The following COG5 variants were observed in gnomAD, a reference collection of about 807,000 sequenced individuals.
COG5 encodes the protein conserved oligomeric Golgi complex subunit 5.
A neutral mutation model predicts 110.4 loss-of-function variants in COG5; 86 were observed. The observed-to-expected ratio is 0.78, with a 90% CI of 0.65 to 0.93. COG5 has a LOEUF of 0.93. Among genes scored for constraint, COG5 ranks in the 40% least tolerant of loss-of-function variants. COG5 has a pLI of 0.00. For missense variants in COG5, 1,077 were observed against 987.0 expected (o/e 1.09, Z -1.22); for synonymous variants, 360 against 334.6 (o/e 1.08, Z -0.83).
chr7:107,378,308 A>G (rs1231270773), intron 7 of COG5, among the ~76,000 whole-genome samples: 1 of 152,198 alleles, frequency 6.6e-6, no homozygotes, highest in African/African-American at 2.4e-5. Context: ...AACCACAAAG[A>G]TGAGGAAAAA....
chr7:107,507,997 C>T (rs995861535), intron 6 of COG5, among the ~76,000 whole-genome samples: 2 of 152,176 alleles, frequency 1.3e-5, no homozygotes, highest in Non-Finnish European at 2.9e-5. Flanking sequence ...TGAGGTATCG[C>T]GTTCATCTCA....
rs1366898060 is a variant in COG5 at position 107,295,066 on chromosome 7, C to CACATATAT, written c.1313+3075_1313+3076insATATATGT. Among the ~76,000 whole-genome samples, 14 of 45,838 alleles carry CACATATAT rather than the reference C, an allele frequency of 3.1e-4. No individual in the cohort carries two copies. The East Asian group carries it at 4.2e-3, about 14-fold the overall frequency. The allele number at this position is 45,838 out of a possible 152,430, so 30.1% of individuals were successfully genotyped here. On this transcript the variant is annotated intron_variant, in intron 12 of 21. Coordinates refer to ENST00000297135, the MANE Select transcript of COG5 (RefSeq NM_006348.5). Reference sequence around the variant, plus strand: ...ACACACACACACACACACACACACACATATATATATATATATATATATATA... The same window carrying CACATATAT: ...ACACACACACACACACACACACACACACATATATATATATATATATATATATATATATA...
chr7:107,283,061 A>C (rs1171115323), intron 13 of COG5, among the ~76,000 whole-genome samples: 1 of 152,200 alleles, frequency 6.6e-6, no homozygotes, highest in East Asian at 1.9e-4. Flanking sequence ...GTCTGCAGGC[A>C]TTCAGGTGGC....
At chr7:107,403,207 CA>C (rs746657343) in intron 7 of COG5, among the ~76,000 whole-genome samples, 7 of 152,188 alleles carry the variant, frequency 4.6e-5, no homozygotes, top group South Asian at 2.1e-4. Flanking sequence ...CTTCAGATAA[CA>C]AAGGAATAGC....
chr7:107,272,516 A>G (rs1007448263), intron 14 of COG5, among the ~76,000 whole-genome samples: 6 of 152,138 alleles, frequency 3.9e-5, no homozygotes, highest in Admixed American at 2.0e-4. Context: ...GGCAAAATAA[A>G]CTTTCTAAAT....
intron 11 of COG5, among the ~76,000 whole-genome samples, chr7:107,307,940 G>C (rs1384183658): frequency 2.0e-5 from 3 of 152,026 alleles, no homozygotes. Context: ...AAAATACATA[G>C]CCACAGTTCT....
At chr7:107,530,421 G>C (rs1244433407) in intron 5 of COG5, among the ~76,000 whole-genome samples, 2 of 152,176 alleles carry the variant, frequency 1.3e-5, no homozygotes, top group African/African-American at 2.4e-5. Context: ...GACCAACATG[G>C]AGAAACCCCA....
chr7:107,484,553 T>G (rs1470410032), intron 6 of COG5, among the ~76,000 whole-genome samples: 2 of 152,124 alleles, frequency 1.3e-5, no homozygotes, highest in East Asian at 3.9e-4. Context: ...CCTTACCATG[T>G]CTCTATGGGT....
At chr7:107,231,802 T>C (rs1232313621) in intron 18 of COG5, among the ~76,000 whole-genome samples, 1 of 151,902 alleles carries the variant, frequency 6.6e-6, no homozygotes, top group Non-Finnish European at 1.5e-5. Context: ...ATTAGATGAT[T>C]AGACTATCTT....
intron 1 of COG5, among the ~76,000 whole-genome samples, chr7:107,558,473 G>A (rs958276061): frequency 2.7e-4 from 41 of 151,970 alleles, no homozygotes; most frequent in Non-Finnish European, 4.3e-4. Context: ...GCATCATGGC[G>A]GGTGCCTGTA....
chr7:107,334,356 T>C (rs1030407082), intron 10 of COG5, among the ~76,000 whole-genome samples: 1 of 152,096 alleles, frequency 6.6e-6, no homozygotes, highest in Non-Finnish European at 1.5e-5. Flanking sequence ...AAGTTGATCT[T>C]ACAGAAGTGT....
At chr7:107,205,392 G>A (rs1798692650) in intron 21 of COG5, among the ~76,000 whole-genome samples, 1 of 152,090 alleles carries the variant, frequency 6.6e-6, no homozygotes, top group Admixed American at 6.5e-5. Flanking sequence ...AGCTTGATGT[G>A]GCCTAAAAAG....
chr7:107,230,654 G>A lies in COG5; in HGVS notation c.2129C>T (p.Ser710Phe), dbSNP rs1800708207. ...CATCCGATAGGACTTTCCTAAATCA[G>A]ATACTCGTCTACAGAATGGACCCAC... is the stretch of plus-strand genomic sequence containing the variant. The part of the protein sequence containing the change: ...LAVGPFCRRV[S>F]DLGKSYRMLR... Residue 710 changes from serine (S) to phenylalanine (F), a missense_variant, in exon 19 of 22, where the codon TCT becomes TTT. Coordinates refer to ENST00000297135, the MANE Select transcript of COG5 (RefSeq NM_006348.5). 1 of 1,613,466 alleles carries A rather than the reference G, an allele frequency of 6.2e-7. No individual in the cohort carries two copies. Among genetic ancestry groups the A allele is most frequent in the East Asian group, 2.2e-5 (1 of 44,824 alleles).
At chr7:107,220,606 A>G (rs1028359688) in intron 19 of COG5, among the ~76,000 whole-genome samples, 9 of 152,184 alleles carry the variant, frequency 5.9e-5, no homozygotes, top group Non-Finnish European at 8.8e-5. Flanking sequence ...AGCAACTGAC[A>G]TTCCCAGACA....
chr7:107,341,601 G>A (rs1284887417), intron 10 of COG5, among the ~76,000 whole-genome samples: 1 of 151,994 alleles, frequency 6.6e-6, no homozygotes, highest in African/African-American at 2.4e-5. Context: ...CAAAGCTGAA[G>A]ACATTACATT....
At chr7:107,501,159 C>T (rs1232140717) in intron 6 of COG5, among the ~76,000 whole-genome samples, 1 of 151,938 alleles carries the variant, frequency 6.6e-6, no homozygotes, top group Non-Finnish European at 1.5e-5. Flanking sequence ...AAGGAACAGT[C>T]AACAATAGAA....
At chr7:107,478,672 C>CTA (rs768668853) in intron 6 of COG5, among the ~76,000 whole-genome samples, 17 of 151,804 alleles carry the variant, frequency 1.1e-4, no homozygotes, top group Non-Finnish European at 2.4e-4. Context: ...ACATGATATA[C>CTA]TATATATAGG....
intron 6 of COG5, among the ~76,000 whole-genome samples, chr7:107,496,202 A>G (rs1480890828): frequency 6.6e-6 from 1 of 152,192 alleles, no homozygotes; most frequent in Non-Finnish European, 1.5e-5. Flanking sequence ...TCAAAGTCAA[A>G]GACACTACAA....
At chr7:107,416,882 A>C (rs779694182) in intron 6 of COG5, among the ~76,000 whole-genome samples, 5 of 152,184 alleles carry the variant, frequency 3.3e-5, no homozygotes, top group Non-Finnish European at 5.9e-5. Context: ...TTAAGATAAT[A>C]CTGTTTTCAT....
Sources: allele counts gnomAD v4.1 joint callset (sites outside exome capture counted in the v4.1 genomes callset), GRCh38; gene constraint gnomAD v4.1.1; transcripts MANE v1.5; gene names NCBI Gene and HGNC (gene_info 2026-07-23, HGNC 2026-07-21).